Variants in FRMD4A observed in about 807,000 individuals in gnomAD.
FRMD4A encodes FERM domain containing 4A.
Under a neutral mutation model 129.1 loss-of-function variants are expected in FRMD4A, and 29 were observed. The ratio of observed to expected loss-of-function variants is 0.22; its 90% CI spans 0.17 to 0.31. The LOEUF (loss-of-function observed/expected upper bound fraction) is 0.31, where lower values mean the gene tolerates loss of function less well. Among genes scored for constraint, FRMD4A ranks in the 10% least tolerant of loss-of-function variants. The probability of loss-of-function intolerance (pLI) is 1.00; values close to 1 mark genes in which losing one functional copy is unlikely to be tolerated. For missense variants in FRMD4A, 1,272 were observed against 1,375.8 expected, an observed-to-expected ratio of 0.92 and a Z score of 1.19; for synonymous variants, 634 against 571.6, an observed-to-expected ratio of 1.11 and a Z score of -1.56.
intron 2 of FRMD4A, among the ~76,000 whole-genome samples, chr10:14,199,582 G>T (rs557750134): frequency 1.3e-5 from 2 of 152,252 alleles, no homozygotes; most frequent in South Asian, 4.2e-4. Flanking sequence ...TAGAGACAGG[G>T]TTTTGCCATG....
At chr10:14,234,236 C>T (rs10906632) in intron 2 of FRMD4A, among the ~76,000 whole-genome samples, 139,166 of 151,974 alleles carry the variant, frequency 0.92, 64,422 homozygotes, top group East Asian at 1. Flanking sequence ...AAAAAAAAAA[C>T]CCATCAGTGG....
intron 2 of FRMD4A, among the ~76,000 whole-genome samples, chr10:14,149,954 G>A (rs1840259875): frequency 2.0e-5 from 3 of 152,202 alleles, no homozygotes; most frequent in Admixed American, 2.0e-4. Context: ...CTGTACAGGA[G>A]ACATGGCTGG....
At chr10:14,243,401 G>A (rs1844119652) in intron 2 of FRMD4A, among the ~76,000 whole-genome samples, 1 of 152,180 alleles carries the variant, frequency 6.6e-6, no homozygotes. Context: ...CATGTAAGAT[G>A]TGCCTGCTTC....
At chr10:13,931,883 A>G (rs1180102951) in intron 2 of FRMD4A, among the ~76,000 whole-genome samples, 1 of 151,832 alleles carries the variant, frequency 6.6e-6, no homozygotes, top group Non-Finnish European at 1.5e-5. Flanking sequence ...CGGGAGGTGG[A>G]GGTTGCAATA....
intron 2 of FRMD4A, among the ~76,000 whole-genome samples, chr10:14,006,295 A>T (rs540632671): frequency 6.6e-6 from 1 of 152,266 alleles, no homozygotes; most frequent in African/African-American, 2.4e-5. Flanking sequence ...GACCATACTC[A>T]TGTTAAGGCC....
At chr10:14,170,776 T>A (rs1841432863) in intron 2 of FRMD4A, among the ~76,000 whole-genome samples, 2 of 151,790 alleles carry the variant, frequency 1.3e-5, no homozygotes, top group South Asian at 2.1e-4. Context: ...AATCAAGCCA[T>A]CTTCCCTCCC....
chr10:14,327,557 G>A (rs937575474), intron 2 of FRMD4A, among the ~76,000 whole-genome samples: 1 of 152,228 alleles, frequency 6.6e-6, no homozygotes, highest in African/African-American at 2.4e-5. Context: ...GCACAGGGCT[G>A]TCCAACCCTC....
intron 2 of FRMD4A, among the ~76,000 whole-genome samples, chr10:14,230,552 T>C (rs991548120): frequency 6.6e-6 from 1 of 152,234 alleles, no homozygotes; most frequent in Non-Finnish European, 1.5e-5. Context: ...GGCTGTACGA[T>C]TGCTACTCAC....
chr10:13,665,894 A>G (rs567250783), intron 18 of FRMD4A, among the ~76,000 whole-genome samples: 1 of 152,322 alleles, frequency 6.6e-6, no homozygotes, highest in South Asian at 2.1e-4. Flanking sequence ...GATTCGTACA[A>G]TCCCTTCATC....
intron 6 of FRMD4A, among the ~76,000 whole-genome samples, chr10:13,767,729 C>T (rs746831820): frequency 2.0e-5 from 3 of 152,302 alleles, no homozygotes; most frequent in Non-Finnish European, 4.4e-5. Flanking sequence ...TGGCTTCCAT[C>T]TGCCTTATGC....
chr10:13,933,447 C>T (rs967690231), intron 2 of FRMD4A, among the ~76,000 whole-genome samples: 3 of 152,114 alleles, frequency 2.0e-5, no homozygotes, highest in Admixed American at 6.6e-5. Context: ...TCAATAAATC[C>T]CTTCATTCCT....
intron 3 of FRMD4A, among the ~76,000 whole-genome samples, chr10:13,814,848 A>G (rs1290074144): frequency 6.6e-6 from 1 of 152,104 alleles, no homozygotes; most frequent in Non-Finnish European, 1.5e-5. Flanking sequence ...CCTGAATGGA[A>G]GGGGGTAAGT....
intron 3 of FRMD4A, among the ~76,000 whole-genome samples, chr10:13,847,392 A>C (rs2094066751): frequency 6.6e-6 from 1 of 152,212 alleles, no homozygotes; most frequent in Non-Finnish European, 1.5e-5. Context: ...GAAGACTCAG[A>C]GAAAAATACA....
At chr10:14,330,215 G>T (rs1277823447) in intron 1 of FRMD4A, 32 bp from the exon 2 acceptor site, 9 of 1,067,508 alleles carry the variant, frequency 8.4e-6, no homozygotes, top group Non-Finnish European at 1.3e-5. Context: ...TCCAGACTTA[G>T]GGAGCAAAAG....
chr10:14,008,529 GCAGATGGTAATCAGGT>G lies in FRMD4A; in HGVS notation c.46-149633_46-149618del, dbSNP rs1460624511. ...AATGTCAACTTTGCTTCTCGTGGCT[GCAGATGGTAATCAGGT>G]CAGTTGTCTAATCAAAGCTCTATCA... On this transcript the variant is annotated intron_variant, in intron 2 of 24. Transcript: ENST00000357447. 3 of 989,818 alleles carry G rather than the reference GCAGATGGTAATCAGGT, an allele frequency of 3.0e-6. No homozygotes were observed. In the African/African-American group the frequency reaches 5.2e-5, roughly 17 times the overall value. The allele number at this position is 989,818 out of a possible 1,614,324, so 61.3% of individuals were successfully genotyped here. A position where few individuals can be genotyped will look rare whatever the true frequency, so the allele number is the denominator to read the frequency against.
intron 2 of FRMD4A, among the ~76,000 whole-genome samples, chr10:14,233,884 A>C (rs1203210139): frequency 2.0e-5 from 3 of 152,234 alleles, no homozygotes; most frequent in Non-Finnish European, 4.4e-5. Flanking sequence ...AAGGCTAGAG[A>C]GATGTTTCTG....
At chr10:14,155,044 A>C (rs1173781214) in intron 2 of FRMD4A, among the ~76,000 whole-genome samples, 1 of 152,222 alleles carries the variant, frequency 6.6e-6, no homozygotes, top group Non-Finnish European at 1.5e-5. Flanking sequence ...TCATCCCAGC[A>C]CTTTGGGGAG....
At chr10:13,787,601 C>A (rs918562890) in intron 5 of FRMD4A, among the ~76,000 whole-genome samples, 1 of 152,104 alleles carries the variant, frequency 6.6e-6, no homozygotes, top group Non-Finnish European at 1.5e-5. Flanking sequence ...GCTGGGACTA[C>A]AGATATAAGC....
intron 2 of FRMD4A, among the ~76,000 whole-genome samples, chr10:13,985,850 C>T (rs565602442): frequency 4.5e-4 from 69 of 152,348 alleles, no homozygotes; most frequent in African/African-American, 1.4e-3. Context: ...CCAGCCCTGG[C>T]GATGCTGATT....
Sources: allele counts gnomAD v4.1 joint callset (sites outside exome capture counted in the v4.1 genomes callset), GRCh38; gene constraint gnomAD v4.1.1; transcripts MANE v1.5; gene names NCBI Gene and HGNC (gene_info 2026-07-23, HGNC 2026-07-21).